ATXN10: variants seen among roughly 807,000 people sequenced by gnomAD.
The protein encoded by ATXN10 is ataxin 10.
Under a neutral mutation model 52.9 loss-of-function variants are expected in ATXN10, and 28 were observed. The ratio of observed to expected loss-of-function variants is 0.53; its 90% CI spans 0.39 to 0.73. ATXN10 has a LOEUF of 0.73. Among genes scored for constraint, ATXN10 ranks in the 30% least tolerant of loss-of-function variants. ATXN10 has a pLI of 0.00. For synonymous variants in ATXN10, 226 were observed against 221.5 expected (o/e 1.02, Z -0.18); for missense variants, 565 against 577.0 (o/e 0.98, Z 0.21).
intron 1 of ATXN10, chr22:45,679,947 G>A (rs1488571696): frequency 6.6e-6 from 1 of 152,172 alleles, no homozygotes; most frequent in African/African-American, 2.4e-5. Context: ...AATAAATAAG[G>A]TTAGGATTGT....
chr22:45,680,300 A>C (rs1413733367), intron 1 of ATXN10, among the ~76,000 whole-genome samples: 1 of 152,186 alleles, frequency 6.6e-6, no homozygotes, highest in East Asian at 1.9e-4. Context: ...CATCAATGAG[A>C]ATATTATAAA....
At chr22:45,801,168 A>G (rs1927919420) in intron 9 of ATXN10, among the ~76,000 whole-genome samples, 1 of 152,186 alleles carries the variant, frequency 6.6e-6, no homozygotes, top group African/African-American at 2.4e-5. Context: ...AGGCGTTTTC[A>G]CCTTGGCTGT....
chr22:45,699,857 T>C, intron 3 of ATXN10, among the ~76,000 whole-genome samples: 1 of 151,052 alleles, frequency 6.6e-6, no homozygotes, highest in South Asian at 2.1e-4. Context: ...ATTTTTTTTT[T>C]TTTTTTTGAG....
Position 45,843,203 on chromosome 22 carries a change from C to T in ATXN10, c.1425+25C>T, listed in dbSNP as rs1248646827. ...AGTAAGTACCCTCGAGGGAACTGTC[C>T]TTCCCTTTGGTTTGTAGAAAGCTGT... On this transcript the variant is annotated intron_variant, in intron 11 of 11. Coordinates refer to ENST00000252934, the MANE Select transcript of ATXN10 (RefSeq NM_013236.4). This position sits in a 1 kb window ranked among gnomAD's most constrained non-coding sequence, Gnocchi z 4.5. 6.2e-7 allele frequency: 1 copy of T among 1,611,076 alleles called. No homozygotes were observed. Among genetic ancestry groups the T allele is most frequent in the Non-Finnish European group, 8.5e-7 (1 of 1,177,568 alleles).
intron 10 of ATXN10, among the ~76,000 whole-genome samples, chr22:45,822,110 A>G (rs1683141173): frequency 6.6e-6 from 1 of 152,198 alleles, no homozygotes; most frequent in Non-Finnish European, 1.5e-5. Context: ...GTTTCCTGTC[A>G]TTCAAAATCA....
Position 45,718,142 on chromosome 22 carries a change from T to C in ATXN10, c.648-271T>C, listed in dbSNP as rs1251150417. Among the ~76,000 whole-genome samples, 2 of 152,230 alleles carry C rather than the reference T, an allele frequency of 1.3e-5. No homozygotes were observed. Among genetic ancestry groups the C allele is most frequent in the Non-Finnish European group, 2.9e-5 (2 of 68,038 alleles). On this transcript the variant is annotated intron_variant, in intron 5 of 11. Transcript: ENST00000252934. This position sits in a 1 kb window ranked among gnomAD's most constrained non-coding sequence, Gnocchi z 4.4. ...TTCTCAACTTAGATAACAGCTATAG[T>C]AGCCCTGTCTTCCCGTTGAATCAAT...
intron 9 of ATXN10, among the ~76,000 whole-genome samples, chr22:45,797,808 C>T (rs1927796479): frequency 6.6e-6 from 1 of 152,054 alleles, no homozygotes; most frequent in African/African-American, 2.4e-5. Flanking sequence ...ATAAATCTGT[C>T]TACCTGTCAA....
In ATXN10 at chr22:45,688,197, G is replaced by T. The variant is rs550444067; in HGVS notation, c.117-1515G>T. On this transcript the variant is annotated intron_variant, in intron 1 of 11. Transcript: ENST00000252934. The surrounding 1 kb of genome is among the most constrained non-coding windows in gnomAD (Gnocchi z 4.0). ...CCTTGAATTTTCATTTCTTAATTTG[G>T]TCACTCAGTTGCCGAGACACTGAGT... Among the ~76,000 whole-genome samples, 52 of 152,082 alleles carry T rather than the reference G, an allele frequency of 3.4e-4. No individual in the cohort carries two copies. The highest frequency in any genetic ancestry group is 6.6e-4 in the Non-Finnish European group (45 of 68,016).
chr22:45,702,571 T>C, intron 4 of ATXN10, 118 bp from the exon 5 acceptor site: 1 of 897,986 alleles, frequency 1.1e-6, no homozygotes, highest in Non-Finnish European at 1.8e-6. Flanking sequence ...TAAAGTGCTA[T>C]AATTCTAAAT....
At chr22:45,700,972 CTACTTCT>C (rs1923820715) in intron 4 of ATXN10, among the ~76,000 whole-genome samples, 1 of 152,112 alleles carries the variant, frequency 6.6e-6, no homozygotes, top group Admixed American at 6.5e-5. Context: ...TCTGGTGATT[CTACTTCT>C]TAAAAACCAG....
At chr22:45,726,722 G>T (rs747994010) in intron 6 of ATXN10, among the ~76,000 whole-genome samples, 5 of 152,134 alleles carry the variant, frequency 3.3e-5, no homozygotes, top group Non-Finnish European at 5.9e-5. Context: ...GGGTCGTGCT[G>T]TGTCACCTAG....
In ATXN10 at chr22:45,732,467, G is replaced by GA. The variant is rs1328800135; in HGVS notation, c.894+2883dup. Among the ~76,000 whole-genome samples, 5 of 151,738 alleles carry GA rather than the reference G, an allele frequency of 3.3e-5. No individual in the cohort carries two copies. Among genetic ancestry groups the GA allele is most frequent in the African/African-American group, 1.2e-4 (5 of 41,338 alleles). On this transcript the variant is annotated intron_variant, in intron 7 of 11. Transcript: ENST00000252934. The surrounding 1 kb of genome is among the most constrained non-coding windows in gnomAD (Gnocchi z 4.5). ...GTGAGATCCTGTCTCCAAAAAAAAA[G>GA]AAAAAATTGTAGGCAGTTTTCTTTT...
rs182062860 is a variant in ATXN10 at position 45,689,754 on chromosome 22, C to T, written c.159C>T (p.Ile53=). Residue 53 remains isoleucine, a synonymous_variant, in exon 2 of 12, where the codon ATC becomes ATT. Transcript: ENST00000252934. The stretch of plus-strand genomic sequence containing the variant: ...CTATCTTCCAAAGAGTTCTGGATAT[C>T]CTAAAGAAATCTTCTCATGCTGTTG... The part of the protein sequence containing the change: ...PRTIFQRVLD[I]LKKSSHAVEL... 8.1e-6 allele frequency: 13 copies of T among 1,613,962 alleles called. No homozygotes were observed. In the African/African-American group the frequency reaches 1.5e-4, roughly 18 times the overall value.
At chr22:45,707,565 C>G (rs1412203631) in intron 5 of ATXN10, among the ~76,000 whole-genome samples, 1 of 150,784 alleles carries the variant, frequency 6.6e-6, no homozygotes, top group African/African-American at 2.4e-5. Flanking sequence ...TTTTAATCAT[C>G]TGCAGTTTTT....
At chr22:45,803,976 C>T (rs136015) in intron 9 of ATXN10, among the ~76,000 whole-genome samples, 6,835 of 152,094 alleles carry the variant, frequency 0.045, 434 homozygotes, top group African/African-American at 0.15. Flanking sequence ...GGTGAAGAGC[C>T]ACTTATCTTT....
intron 9 of ATXN10, among the ~76,000 whole-genome samples, chr22:45,773,844 A>ATGTTTGTT (rs138607806): frequency 3.3e-5 from 5 of 152,172 alleles, no homozygotes; most frequent in South Asian, 2.1e-4. Context: ...AAATGAACTG[A>ATGTTTGTT]TGTTTGTTTG....
intron 3 of ATXN10, among the ~76,000 whole-genome samples, chr22:45,698,213 C>T (rs190356937): frequency 3.3e-4 from 50 of 152,264 alleles, no homozygotes; most frequent in African/African-American, 1.1e-3. Flanking sequence ...ATTTGAGGAG[C>T]TGTCAGACTT....
intron 5 of ATXN10, among the ~76,000 whole-genome samples, chr22:45,714,445 A>G (rs753960976): frequency 5.9e-5 from 9 of 152,000 alleles, no homozygotes; most frequent in East Asian, 1.9e-4. Flanking sequence ...CAGTGGTGCA[A>G]TCATGGCTCA....
chr22:45,716,527 A>T (rs115401388), intron 5 of ATXN10, among the ~76,000 whole-genome samples: 2,281 of 151,878 alleles, frequency 0.015, 54 homozygotes, highest in African/African-American at 0.053. Flanking sequence ...TTTGGTAGCG[A>T]TGGGGTTTCA....
Sources: allele counts gnomAD v4.1 joint callset (sites outside exome capture counted in the v4.1 genomes callset), GRCh38; gene constraint gnomAD v4.1.1; non-coding constraint Gnocchi (gnomAD v3.1); transcripts MANE v1.5; gene names NCBI Gene and HGNC (gene_info 2026-07-23, HGNC 2026-07-21).